The following PRKG1 variants were observed in gnomAD, a reference collection of about 807,000 sequenced individuals.
The protein encoded by PRKG1 is cGMP-dependent protein kinase 1.
PRKG1 carries 35 observed loss-of-function variants against 88.1 expected under a neutral mutation model. That is an observed-to-expected ratio of 0.40 (90% confidence interval 0.30 to 0.53). The LOEUF is 0.53. PRKG1 is among the 20% of genes least tolerant of loss of function. The pLI is 0.59. For missense variants in PRKG1, 540 were observed against 839.8 expected (o/e 0.64, Z 4.41); for synonymous variants, 303 against 292.5 (o/e 1.04, Z -0.37).
intron 3 of PRKG1, among the ~76,000 whole-genome samples, chr10:51,567,990 G>A (rs983571817): frequency 1.3e-5 from 2 of 152,024 alleles, no homozygotes; most frequent in African/African-American, 4.8e-5. Flanking sequence ...CAGCTTGTTG[G>A]CAGTATCATT....
At chr10:51,525,355 G>A (rs1564534849) in intron 3 of PRKG1, among the ~76,000 whole-genome samples, 2 of 152,224 alleles carry the variant, frequency 1.3e-5, no homozygotes, top group South Asian at 2.1e-4. Context: ...GGCTCTAAAT[G>A]TTAAGGTATC....
intron 3 of PRKG1, among the ~76,000 whole-genome samples, chr10:51,737,565 G>T (rs1028886109): frequency 1.3e-5 from 2 of 152,028 alleles, no homozygotes; most frequent in Non-Finnish European, 2.9e-5. Flanking sequence ...GTCGGACAGG[G>T]ACTCTCACTG....
chr10:52,185,068 C>T (rs549785965), intron 9 of PRKG1: 1 of 152,240 alleles, frequency 6.6e-6, no homozygotes, highest in Non-Finnish European at 1.5e-5. Context: ...ATATAATCCT[C>T]CCCTCCCAAT....
intron 2 of PRKG1, among the ~76,000 whole-genome samples, chr10:51,316,847 A>T (rs924919921): frequency 6.6e-6 from 1 of 152,128 alleles, no homozygotes. Flanking sequence ...GCAGTCACCA[A>T]CTCATGACAT....
At chr10:52,000,084 A>C (rs1288597257) in intron 5 of PRKG1, among the ~76,000 whole-genome samples, 1 of 151,882 alleles carries the variant, frequency 6.6e-6, no homozygotes, top group Non-Finnish European at 1.5e-5. Flanking sequence ...GTTCACTCAC[A>C]CCCTTTCCAT....
At chr10:51,444,153 T>C (rs1388464180) in intron 2 of PRKG1, among the ~76,000 whole-genome samples, 2 of 151,170 alleles carry the variant, frequency 1.3e-5, no homozygotes, top group Non-Finnish European at 2.9e-5. Flanking sequence ...TTATACCAGC[T>C]GTATATTACA....
intron 9 of PRKG1, among the ~76,000 whole-genome samples, chr10:52,197,112 T>G (rs191376410): frequency 6.6e-6 from 1 of 151,778 alleles, no homozygotes; most frequent in Non-Finnish European, 1.5e-5. Context: ...TACAGATAAG[T>G]TTTTTTTTCC....
chr10:51,472,182 A>G (rs923109424), intron 3 of PRKG1, among the ~76,000 whole-genome samples: 1 of 151,904 alleles, frequency 6.6e-6, no homozygotes, highest in East Asian at 1.9e-4. Flanking sequence ...TATTTTACTA[A>G]GTGTCATAGA....
intron 3 of PRKG1, among the ~76,000 whole-genome samples, chr10:51,797,700 CT>C (rs1839053554): frequency 6.6e-6 from 1 of 151,044 alleles, no homozygotes; most frequent in African/African-American, 2.4e-5. Flanking sequence ...CAATCAGTGC[CT>C]TTAAGGACAT....
At chr10:51,990,061 C>CA (rs1264247513) in intron 5 of PRKG1, among the ~76,000 whole-genome samples, 1 of 152,016 alleles carries the variant, frequency 6.6e-6, no homozygotes, top group Non-Finnish European at 1.5e-5. Flanking sequence ...CCAGTTATTT[C>CA]AACACTATTT....
intron 2 of PRKG1, among the ~76,000 whole-genome samples, chr10:51,424,398 A>T (rs576667186): frequency 3.3e-5 from 5 of 152,160 alleles, no homozygotes; most frequent in African/African-American, 9.6e-5. Flanking sequence ...TTTGAAAGAA[A>T]AATTCTTTCA....
intron 9 of PRKG1, among the ~76,000 whole-genome samples, chr10:52,218,004 G>T (rs1017950529): frequency 1.3e-5 from 2 of 151,968 alleles, no homozygotes; most frequent in African/African-American, 4.8e-5. Flanking sequence ...ACAAGGTCAG[G>T]AGTTCAAGAC....
At chr10:51,934,695 G>A (rs186863501) in intron 5 of PRKG1, among the ~76,000 whole-genome samples, 348 of 152,256 alleles carry the variant, frequency 2.3e-3, no homozygotes, top group African/African-American at 7.7e-3. Context: ...GACGTCTGGA[G>A]TAGTGAAAGA....
chr10:51,578,800 A>T (rs1467729886), intron 3 of PRKG1, among the ~76,000 whole-genome samples: 1 of 151,882 alleles, frequency 6.6e-6, no homozygotes, highest in South Asian at 2.1e-4. Context: ...AATTACAGTG[A>T]TTTTCTTTCT....
At chr10:52,155,211 A>G (rs1211877766) in intron 8 of PRKG1, among the ~76,000 whole-genome samples, 1 of 152,052 alleles carries the variant, frequency 6.6e-6, no homozygotes, top group Non-Finnish European at 1.5e-5. Context: ...TCTACTTTTA[A>G]TTTTTTAAGG....
intron 5 of PRKG1, among the ~76,000 whole-genome samples, chr10:52,053,486 A>G (rs1414164224): frequency 1.3e-5 from 2 of 152,214 alleles, no homozygotes; most frequent in African/African-American, 4.8e-5. Context: ...CTGTTTTGTT[A>G]GGAGTGTGCA....
chr10:51,482,238 T>A (rs1180641725), intron 3 of PRKG1, among the ~76,000 whole-genome samples: 1 of 152,198 alleles, frequency 6.6e-6, no homozygotes, highest in Non-Finnish European at 1.5e-5. Flanking sequence ...TGCTTTGGTA[T>A]TTTTACCCTA....
At chr10:51,186,802 A>T (rs1474853361) in intron 2 of PRKG1, among the ~76,000 whole-genome samples, 2 of 151,236 alleles carry the variant, frequency 1.3e-5, no homozygotes, top group Non-Finnish European at 2.9e-5. Flanking sequence ...ACCTTCTGAG[A>T]TCTCTTGGTG....
chr10:51,314,619 A>G (rs1163516390), intron 2 of PRKG1, among the ~76,000 whole-genome samples: 1 of 152,226 alleles, frequency 6.6e-6, no homozygotes, highest in Non-Finnish European at 1.5e-5. Context: ...TCTTCTAAGT[A>G]TATTGCTTAG....
Sources: gnomAD v4.1 joint callset for allele counts (sites outside exome capture counted in the v4.1 genomes callset) on GRCh38, gnomAD v4.1.1 for gene constraint, MANE v1.5 for transcripts, NCBI Gene and HGNC (gene_info 2026-07-23, HGNC 2026-07-21) for gene names.